ZNF641: variants seen among roughly 807,000 people sequenced by gnomAD.
The protein encoded by ZNF641 is zinc finger protein 641.
Under a neutral mutation model 46.2 loss-of-function variants are expected in ZNF641, and 26 were observed. The ratio of observed to expected loss-of-function variants is 0.56; its 90% CI spans 0.41 to 0.78. The LOEUF is 0.78. ZNF641 is among the 30% of genes least tolerant of loss of function. ZNF641 has a pLI of 0.00. For missense variants in ZNF641, 469 were observed against 517.8 expected, an observed-to-expected ratio of 0.91 and a Z score of 0.91; for synonymous variants, 163 against 187.9, an observed-to-expected ratio of 0.87 and a Z score of 1.09.
rs1952653588 is a variant in ZNF641, at chr12:48,338,668, G to A, written c.*4305C>T. On this transcript the variant is annotated 3_prime_UTR_variant, in exon 6 of 6. Coordinates refer to ENST00000547026, the MANE Select transcript of ZNF641 (RefSeq NM_001172681.2). The stretch of plus-strand genomic sequence containing the variant: ...CTTCATTGGTTACAACCTCTACCTA[G>A]TAAGCAGAGTCTGGATTTAAATCTT... 6.6e-6 allele frequency: 1 copy of A among 152,240 alleles called. No individual in the cohort carries two copies. Among genetic ancestry groups the A allele is most frequent in the Non-Finnish European group, 1.5e-5 (1 of 68,072 alleles). The allele number at this position is 152,240 out of a possible 1,614,324, so 9.4% of individuals were successfully genotyped here.
Position 48,345,447 on chromosome 12 carries a change from G to T in ZNF641, c.304C>A (p.Leu102Met). The T allele has an allele frequency of 8.7e-6, 14 of 1,614,216 alleles. No homozygotes were observed. Among genetic ancestry groups the T allele is most frequent in the Non-Finnish European group, 1.2e-5 (14 of 1,180,018 alleles). The change falls in exon 4 of 6, where the codon CTG (leucine) becomes ATG (methionine). Residue 102 changes from leucine to methionine, a missense_variant. Around this residue, in one of 3 missense-constraint regions of ZNF641, gnomAD observed 25 missense variants for 58.1 expected, o/e 0.43. Coordinates refer to ENST00000547026, the MANE Select transcript of ZNF641 (RefSeq NM_001172681.2). ...CGCCACTCCTCCTGAGAGAAGCACA[G>T]TGACACATCCTTGATGGTTACCAGG... The part of the protein sequence containing the change: ...QGLVTIKDVS[L>M]CFSQEEWRSL...
intron 2 of ZNF641, 54 bp downstream of exon 2, chr12:48,347,853 A>C (rs1952922686): frequency 6.4e-7 from 1 of 1,554,752 alleles, no homozygotes; most frequent in Non-Finnish European, 8.8e-7. Flanking sequence ...TACTTTTGGA[A>C]TAAATATTAG....
At chr12:48,346,797 C>T (rs2732464) in intron 3 of ZNF641, among the ~76,000 whole-genome samples, 2 of 152,066 alleles carry the variant, frequency 1.3e-5, no homozygotes, top group African/African-American at 2.4e-5. Flanking sequence ...GATCACCTGA[C>T]GTCAGCAGTT....
rs563620771 is a variant in ZNF641 at position 48,339,533 on chromosome 12, G to A, written c.*3440C>T. 6.6e-6 allele frequency: 1 copy of A among 152,194 alleles called. No homozygotes were observed. Among genetic ancestry groups the A allele is most frequent in the South Asian group, 2.1e-4 (1 of 4,824 alleles). The allele number at this position is 152,194 out of a possible 1,614,324, so 9.4% of individuals were successfully genotyped here. A position where few individuals can be genotyped will look rare whatever the true frequency, so the allele number is the denominator to read the frequency against. On this transcript the variant is annotated 3_prime_UTR_variant, in exon 6 of 6. Coordinates refer to ENST00000547026, the MANE Select transcript of ZNF641 (RefSeq NM_001172681.2). ...TTGGTATGGCTCACAAGGGAAAAGA[G>A]GAAAATTTTGCTAGCTCAGGCTCTC...
rs1351736759 is a variant in ZNF641 at position 48,344,664 on chromosome 12, TCTC to T, written c.452_454del (p.Gly151del). The T allele has an allele frequency of 9.3e-6, 15 of 1,613,694 alleles. No individual in the cohort carries two copies. In the East Asian group the frequency reaches 3.1e-4, roughly 34 times the overall value. On this transcript the variant is annotated inframe_deletion, in exon 5 of 6. Transcript: ENST00000547026. ...CTGGGGGTCAGGGACCCATTGTTCTTCTCCTCCTTCTAGTTGAGAAAGCATGTC... is the reference window on the plus strand; with the variant it reads ...CTGGGGGTCAGGGACCCATTGTTCTTCTCCTTCTAGTTGAGAAAGCATGTC...
chr12:48,345,872 A>G (rs1952857411), intron 3 of ZNF641, among the ~76,000 whole-genome samples: 1 of 151,508 alleles, frequency 6.6e-6, no homozygotes, highest in South Asian at 2.1e-4. Flanking sequence ...ACAAAATGCT[A>G]CAGATAAAAC....
intron 5 of ZNF641, 103 bp from the exon 6 acceptor site, chr12:48,343,830 T>C (rs1451112073): frequency 1.7e-6 from 2 of 1,154,150 alleles, no homozygotes; most frequent in African/African-American, 3.1e-5. Context: ...GGGCCCAGAC[T>C]TGACCCCAGA....
At position 48,350,842 on chromosome 12, in the gene ZNF641, CCCCTCCG is replaced by C. The variant is rs921297574; in HGVS notation, c.-89_-83del. On this transcript the variant is annotated 5_prime_UTR_variant, in exon 1 of 6. Transcript: ENST00000547026. ...TCCCTCCCGGGCGCCGCCTGCCCCT[CCCCTCCG>C]CCCTCCGCTTGCGTCTGGGAGCCGG... 3.0e-6 allele frequency: 3 copies of C among 985,072 alleles called. No individual in the cohort carries two copies. In the African/African-American group the frequency reaches 5.2e-5, roughly 17 times the overall value. The allele number at this position is 985,072 out of a possible 1,614,324, so 61.0% of individuals were successfully genotyped here.
At chr12:48,345,232 A>G (rs1356727191) in intron 4 of ZNF641, 113 bp downstream of exon 4, 26 of 1,230,208 alleles carry the variant, frequency 2.1e-5, no homozygotes, top group Non-Finnish European at 2.9e-5. Context: ...AAGCATAGAC[A>G]GATTCCCTGC....
At position 48,342,349 on chromosome 12, in the gene ZNF641, C is replaced by A. The variant is rs938324716; in HGVS notation, c.*624G>T. 2.1e-5 allele frequency: 21 copies of A among 985,612 alleles called. No homozygotes were observed. The South Asian group carries it at 8.0e-4, about 37-fold the overall frequency. 61.1% of individuals were successfully genotyped at this position (985,612 alleles called of 1,614,324 possible). On this transcript the variant is annotated 3_prime_UTR_variant, in exon 6 of 6. Transcript: ENST00000547026. ...CATGAACAAGGTCTGGCCCCCCTGG[C>A]TTTCATATGGATAAAAAAGGGGGCT...
chr12:48,350,884 G>C lies in ZNF641; in HGVS notation c.-124C>G. On this transcript the variant is annotated 5_prime_UTR_variant, in exon 1 of 6. Transcript: ENST00000547026. ...TGCGTCTGGGAGCCGGCGGCCGGCG[G>C]AGCCAGCGACAGGCGGAGACGGCGG... 5 of 985,000 alleles carry C rather than the reference G, an allele frequency of 5.1e-6. No homozygotes were observed. Among genetic ancestry groups the C allele is most frequent in the Non-Finnish European group, 6.0e-6 (5 of 829,702 alleles). The allele number at this position is 985,000 out of a possible 1,614,324, so 61.0% of individuals were successfully genotyped here. A position where few individuals can be genotyped will look rare whatever the true frequency, so the allele number is the denominator to read the frequency against.
intron 5 of ZNF641, 32 bp from the exon 6 acceptor site, chr12:48,343,759 G>C (rs1952786426): frequency 6.9e-7 from 1 of 1,445,152 alleles, no homozygotes; most frequent in Non-Finnish European, 9.1e-7. Flanking sequence ...AACCCCAAGA[G>C]AAGAGTCACA....
chr12:48,347,793 TG>T, intron 2 of ZNF641, 113 bp downstream of exon 2: 1 of 1,003,668 alleles, frequency 1.0e-6, no homozygotes, highest in Non-Finnish European at 1.5e-6. Context: ...GGGCTGGTCC[TG>T]GTACAGGTTA....
rs761070460 is a variant in ZNF641, at chr12:48,343,048, G to A, written c.1200C>T (p.His400=). Residue 400 remains histidine, a synonymous_variant, in exon 6 of 6, where the codon CAC becomes CAT. Coordinates refer to ENST00000547026, the MANE Select transcript of ZNF641 (RefSeq NM_001172681.2). ...GGTGGGTGAGCAGGTGCCTGTCCAG[G>A]TGATGTTTTCGGCCAAAGCTCTTCT... ...RCEKSFGRKH[H]LDRHLLTHQG... The A allele has an allele frequency of 6.2e-7, 1 of 1,614,132 alleles. No individual in the cohort carries two copies. Among genetic ancestry groups the A allele is most frequent in the African/African-American group, 1.3e-5 (1 of 74,932 alleles).
chr12:48,348,264 C>G, intron 1 of ZNF641, 149 bp from the exon 2 acceptor site: 1 of 801,864 alleles, frequency 1.2e-6, no homozygotes, highest in Non-Finnish European at 1.9e-6. Flanking sequence ...TGATGTGTTC[C>G]GATCAACGGA....
downstream of ZNF641, among the ~76,000 whole-genome samples, chr12:48,334,786 T>C (rs1396678536): frequency 6.6e-6 from 1 of 152,166 alleles, no homozygotes; most frequent in Non-Finnish European, 1.5e-5. Flanking sequence ...AGGAGGCAAT[T>C]AGAGGCTGGC....
chr12:48,349,265 CA>C (rs1381024310), intron 1 of ZNF641, among the ~76,000 whole-genome samples: 2 of 152,014 alleles, frequency 1.3e-5, no homozygotes, highest in Non-Finnish European at 2.9e-5. Flanking sequence ...TTTCTTTAGA[CA>C]ACTTAAGAGC....
In ZNF641 at chr12:48,350,066, C is replaced by T. The variant is rs745791736; in HGVS notation, c.-26+720G>A. ...GGTACCTGTCCTCAGCTTGCATTTCCTAAGATATTCACGCAGAGCCAGCAC... is the reference window on the plus strand; with the variant it reads ...GGTACCTGTCCTCAGCTTGCATTTCTTAAGATATTCACGCAGAGCCAGCAC... On this transcript the variant is annotated intron_variant, in intron 1 of 5. Transcript: ENST00000547026. 28 of 1,614,080 alleles carry T rather than the reference C, an allele frequency of 1.7e-5. No individual in the cohort carries two copies. In the Admixed American group the frequency reaches 2.8e-4, roughly 16 times the overall value.
chr12:48,343,546 G>T lies in ZNF641; in HGVS notation c.702C>A (p.Phe234Leu). 1 of 1,606,606 alleles carries T rather than the reference G, an allele frequency of 6.2e-7. No homozygotes were observed. The highest frequency in any genetic ancestry group is 8.5e-7 in the Non-Finnish European group (1 of 1,174,954). ...LGPPFLQEDS[F>L]SNLLCSTEMD... ...TCTCTGTGCTACACAGCAGGTTTGA[G>T]AAACTATCTTCCTGAAGAAAAGGGG... The change falls in exon 6 of 6, where the codon TTC (phenylalanine) becomes TTA (leucine). Residue 234 changes from phenylalanine to leucine, a missense_variant. This residue lies in a region of ZNF641 where 346 missense variants were observed against 354.0 expected (regional missense o/e 0.98). Coordinates refer to ENST00000547026, the MANE Select transcript of ZNF641 (RefSeq NM_001172681.2).
Sources: allele counts gnomAD v4.1 joint callset (sites outside exome capture counted in the v4.1 genomes callset), GRCh38; gene constraint gnomAD v4.1.1; regional missense constraint gnomAD v4.1.1; transcripts MANE v1.5; gene names NCBI Gene and HGNC (gene_info 2026-07-23, HGNC 2026-07-21).